ZFPM2: variants seen among roughly 807,000 people sequenced by gnomAD.
ZFPM2 encodes zinc finger protein ZFPM2.
Under a neutral mutation model 98.6 loss-of-function variants are expected in ZFPM2, and 20 were observed. The observed-to-expected ratio is 0.20, with a 90% CI of 0.14 to 0.29. ZFPM2 has a LOEUF of 0.29. Among genes scored for constraint, ZFPM2 ranks in the 10% least tolerant of loss-of-function variants. The pLI, the probability that ZFPM2 is intolerant of heterozygous loss-of-function variation, is 1.00. For synonymous variants in ZFPM2, 518 were observed against 502.7 expected, an observed-to-expected ratio of 1.03 and a Z score of -0.41; for missense variants, 1,310 against 1,388.6, an observed-to-expected ratio of 0.94 and a Z score of 0.90.
At chr8:105,540,111 CTCTG>C (rs1432052963) in intron 3 of ZFPM2, among the ~76,000 whole-genome samples, 1 of 152,100 alleles carries the variant, frequency 6.6e-6, no homozygotes. Context: ...CTCTGTCTCT[CTCTG>C]TGTTTTCATA....
chr8:105,480,911 C>A (rs1813102289), intron 3 of ZFPM2, among the ~76,000 whole-genome samples: 1 of 152,076 alleles, frequency 6.6e-6, no homozygotes, highest in African/African-American at 2.4e-5. Flanking sequence ...CCACCATGCT[C>A]AGCTAATTTT....
chr8:105,581,151 C>T (rs1228550710), intron 4 of ZFPM2, among the ~76,000 whole-genome samples: 1 of 151,836 alleles, frequency 6.6e-6, no homozygotes, highest in Non-Finnish European at 1.5e-5. Context: ...ATGTAATATT[C>T]TACTAGATGC....
At chr8:105,768,260 T>G (rs1812900460) in intron 5 of ZFPM2, among the ~76,000 whole-genome samples, 1 of 151,932 alleles carries the variant, frequency 6.6e-6, no homozygotes, top group African/African-American at 2.4e-5. Flanking sequence ...CTCCTAGATA[T>G]AACACTATTA....
chr8:105,691,013 G>C (rs993777933), intron 5 of ZFPM2: 2 of 152,068 alleles, frequency 1.3e-5, no homozygotes, highest in African/African-American at 4.8e-5. Flanking sequence ...GATGGCATTT[G>C]ACCCCAATCT....
intron 6 of ZFPM2, among the ~76,000 whole-genome samples, chr8:105,797,607 G>C (rs1389009045): frequency 6.6e-6 from 1 of 152,078 alleles, no homozygotes; most frequent in Non-Finnish European, 1.5e-5. Flanking sequence ...GACCTATCAT[G>C]CTCCGTGCCT....
At chr8:105,386,859 T>C (rs951615695) in intron 1 of ZFPM2, among the ~76,000 whole-genome samples, 1 of 152,094 alleles carries the variant, frequency 6.6e-6, no homozygotes, top group Admixed American at 6.6e-5. Context: ...ACAAAAGTTC[T>C]CCACGTACCC....
intron 3 of ZFPM2, among the ~76,000 whole-genome samples, chr8:105,549,983 T>G (rs572649033): frequency 6.6e-6 from 1 of 152,238 alleles, no homozygotes; most frequent in South Asian, 2.1e-4. Context: ...GAGAAAATAT[T>G]TAGTTATTAA....
chr8:105,556,599 CT>C (rs1171790153), intron 3 of ZFPM2, among the ~76,000 whole-genome samples: 5 of 152,094 alleles, frequency 3.3e-5, no homozygotes, highest in Non-Finnish European at 7.4e-5. Context: ...CGGTCTACCA[CT>C]TTACAAAACT....
chr8:105,789,158 A>G (rs868793405), intron 6 of ZFPM2: 3 of 350,986 alleles, frequency 8.5e-6, no homozygotes, highest in Admixed American at 4.3e-5. Context: ...ATATGTATAC[A>G]TGTGACATGC....
At chr8:105,700,636 G>A (rs1811120302) in intron 5 of ZFPM2, among the ~76,000 whole-genome samples, 1 of 152,070 alleles carries the variant, frequency 6.6e-6, no homozygotes, top group Admixed American at 6.5e-5. Flanking sequence ...TGTCATCCAG[G>A]CTGGAGTGCA....
intron 1 of ZFPM2, among the ~76,000 whole-genome samples, chr8:105,368,177 C>G (rs1810545547): frequency 7.0e-6 from 1 of 142,164 alleles, no homozygotes; most frequent in Non-Finnish European, 1.5e-5. Context: ...GGATATTGGT[C>G]TAAAATTCTC....
intron 3 of ZFPM2, among the ~76,000 whole-genome samples, chr8:105,515,332 G>A (rs1813896646): frequency 6.6e-6 from 1 of 152,198 alleles, no homozygotes; most frequent in African/African-American, 2.4e-5. Context: ...CAAGAAGATA[G>A]GTATAAATAG....
rs1484648379 is a variant in ZFPM2, at chr8:105,561,477, C to A, written c.416C>A (p.Ser139Tyr). The A allele has an allele frequency of 4.4e-6, 7 of 1,608,316 alleles. No individual in the cohort carries two copies. The highest frequency in any genetic ancestry group is 2.2e-5 in the East Asian group (1 of 44,696). ...FPGKMDLNNN[S>Y]LKTKAQVPMV... ...GGGAAGATGGACTTGAATAATAATTCTTTGGTATGTGGATATTCCGAGATG... is the reference window on the plus strand; with the variant it reads ...GGGAAGATGGACTTGAATAATAATTATTTGGTATGTGGATATTCCGAGATG... Residue 139 changes from serine (S) to tyrosine (Y), a missense_variant, in exon 4 of 8, where the codon TCT becomes TAT. Transcript: ENST00000407775.
At chr8:105,452,120 C>T (rs1812496044) in intron 3 of ZFPM2, among the ~76,000 whole-genome samples, 1 of 152,142 alleles carries the variant, frequency 6.6e-6, no homozygotes, top group South Asian at 2.1e-4. Context: ...AGAAATCATA[C>T]ATAAAGGATG....
intron 4 of ZFPM2, among the ~76,000 whole-genome samples, chr8:105,568,634 G>A (rs115256426): frequency 2.6e-3 from 390 of 152,130 alleles, no homozygotes; most frequent in African/African-American, 8.1e-3. Flanking sequence ...AAGCCCCACC[G>A]CTTCTCTCTT....
At chr8:105,555,310 A>G (rs1814960753) in intron 3 of ZFPM2, among the ~76,000 whole-genome samples, 1 of 152,132 alleles carries the variant, frequency 6.6e-6, no homozygotes, top group South Asian at 2.1e-4. Context: ...TGAACTGGGC[A>G]GAGAAGAACA....
At chr8:105,549,623 TTTAA>T (rs1327197100) in intron 3 of ZFPM2, among the ~76,000 whole-genome samples, 6 of 148,548 alleles carry the variant, frequency 4.0e-5, no homozygotes, top group Non-Finnish European at 8.9e-5. Context: ...CTCTTTTTTT[TTTAA>T]TTGAGACAGG....
intron 5 of ZFPM2, among the ~76,000 whole-genome samples, chr8:105,708,659 G>GT (rs1811315583): frequency 6.6e-6 from 1 of 152,082 alleles, no homozygotes; most frequent in South Asian, 2.1e-4. Context: ...GCCCAGGCTG[G>GT]TTTTTAACTC....
Position 105,596,870 on chromosome 8 carries a change from T to C in ZFPM2, c.420+35389T>C, listed in dbSNP as rs529985121. Among the ~76,000 whole-genome samples, 110 of 151,676 alleles carry C rather than the reference T, an allele frequency of 7.3e-4. 2 individuals are homozygous for C. The South Asian group carries it at 0.023, about 31-fold the overall frequency. ...AGCAAGGTAGTATCTGTGGTGATTTTCAGTATGTGGCACCCAGGAAAGAAA... is the reference window on the plus strand; with the variant it reads ...AGCAAGGTAGTATCTGTGGTGATTTCCAGTATGTGGCACCCAGGAAAGAAA... On this transcript the variant is annotated intron_variant, in intron 4 of 7. Transcript: ENST00000407775.
Sources: gnomAD v4.1 joint callset for allele counts (sites outside exome capture counted in the v4.1 genomes callset) on GRCh38, gnomAD v4.1.1 for gene constraint, MANE v1.5 for transcripts, NCBI Gene and HGNC (gene_info 2026-07-23, HGNC 2026-07-21) for gene names.